FNBP1: variants seen among roughly 807,000 people sequenced by gnomAD.
FNBP1 encodes formin binding protein 1.
In FNBP1, 26 loss-of-function variants were observed where a neutral mutation model predicts 90.6. That is an observed-to-expected ratio of 0.29 (90% CI 0.21 to 0.40). FNBP1 has a LOEUF of 0.40. Ranked by LOEUF, FNBP1 falls within the 10% of genes least tolerant of loss-of-function variation. The probability of loss-of-function intolerance (pLI) is 1.00; values close to 1 mark genes in which losing one functional copy is unlikely to be tolerated. For missense variants in FNBP1, 635 were observed against 768.0 expected (o/e 0.83, Z 2.05); for synonymous variants, 260 against 265.2 (o/e 0.98, Z 0.19).
chr9:129,898,384 A>G (rs992313538), intron 15 of FNBP1, among the ~76,000 whole-genome samples: 3 of 151,998 alleles, frequency 2.0e-5, no homozygotes, highest in Non-Finnish European at 4.4e-5. Flanking sequence ...ATTTCTGGCC[A>G]CACCCCCCAT....
intron 6 of FNBP1, among the ~76,000 whole-genome samples, chr9:129,934,562 T>C (rs1239148604): frequency 8.1e-6 from 1 of 123,080 alleles, no homozygotes; most frequent in Non-Finnish European, 1.7e-5. Flanking sequence ...TTATACATGA[T>C]TTCACTTCTT....
rs2132807631 is a variant in FNBP1, at chr9:129,957,702, C to T, written c.409-238G>A. ...TAGCTGCTGTGACTACAGGCATGCA[C>T]CACCATGCCCAGCTAATTTTTGCAT... On this transcript the variant is annotated intron_variant, in intron 5 of 16. Transcript: ENST00000446176. This position sits in a 1 kb window ranked among gnomAD's most constrained non-coding sequence, Gnocchi z 4.3. 6.6e-6 allele frequency among the ~76,000 whole-genome samples: 1 copy of T among 152,246 alleles called. No homozygotes were observed. The highest frequency in any genetic ancestry group is 2.1e-4 in the South Asian group (1 of 4,824).
At chr9:129,986,871 G>A (rs528929381) in intron 2 of FNBP1, among the ~76,000 whole-genome samples, 6 of 152,076 alleles carry the variant, frequency 3.9e-5, no homozygotes, top group African/African-American at 1.4e-4. Context: ...TGAAGTATAT[G>A]ACCCAGTAAG....
intron 4 of FNBP1, among the ~76,000 whole-genome samples, chr9:129,972,534 T>C (rs1447183384): frequency 6.6e-6 from 1 of 150,736 alleles, no homozygotes; most frequent in Non-Finnish European, 1.5e-5. Flanking sequence ...GTTTTCTTTT[T>C]CTTTTTTTTT....
intron 6 of FNBP1, among the ~76,000 whole-genome samples, chr9:129,940,236 A>C (rs2044124477): frequency 6.6e-6 from 1 of 152,082 alleles, no homozygotes; most frequent in South Asian, 2.1e-4. Flanking sequence ...CGACAACAAC[A>C]ATGACAACAA....
rs146788438 is a variant in FNBP1 at position 129,978,168 on chromosome 9, A to G, written c.345+297T>C. ...CCTGAGTAGCTGGGATTACAGCCAC[A>G]TGCCACCACGCCTGGCTAATTTTTG... On this transcript the variant is annotated intron_variant, in intron 4 of 16. Coordinates refer to ENST00000446176, the MANE Select transcript of FNBP1 (RefSeq NM_015033.3). Among the ~76,000 whole-genome samples the G allele has an allele frequency of 7.3e-3, 1,110 of 151,928 alleles. 11 individuals carry two copies. The highest frequency in any genetic ancestry group is 0.024 in the African/African-American group (991 of 41,446).
In FNBP1 at chr9:130,043,089, G is replaced by A. The variant is rs1589460426; in HGVS notation, c.-114C>T. On this transcript the variant is annotated 5_prime_UTR_variant, in exon 1 of 17. Coordinates refer to ENST00000446176, the MANE Select transcript of FNBP1 (RefSeq NM_015033.3). ...CGCGACGGCGGAAAGCCCGGAGTCC[G>A]CGCGGCCTCCTCCGGCTCGCAGCTC... 2.0e-6 allele frequency: 2 copies of A among 1,008,796 alleles called. No individual in the cohort carries two copies. The highest frequency in any genetic ancestry group is 5.0e-5 in the South Asian group (1 of 19,848). The allele number at this position is 1,008,796 out of a possible 1,614,324, so 62.5% of individuals were successfully genotyped here.
intron 13 of FNBP1, among the ~76,000 whole-genome samples, chr9:129,901,325 T>C (rs987012731): frequency 4.0e-5 from 6 of 151,364 alleles, no homozygotes; most frequent in Non-Finnish European, 8.8e-5. Context: ...TCACCTGAGG[T>C]CAGGAGTTCG....
chr9:130,038,316 C>T (rs1358165346), intron 1 of FNBP1, among the ~76,000 whole-genome samples: 2 of 147,676 alleles, frequency 1.4e-5, no homozygotes, highest in African/African-American at 5.0e-5. Context: ...GATCGTGCGA[C>T]CCACTGCACT....
chr9:130,010,269 C>G (rs898999995), intron 1 of FNBP1, among the ~76,000 whole-genome samples: 26 of 152,264 alleles, frequency 1.7e-4, no homozygotes, highest in African/African-American at 6.0e-4. Flanking sequence ...ATCCCATCTT[C>G]CCTTTGGCAG....
intron 12 of FNBP1, among the ~76,000 whole-genome samples, chr9:129,907,067 T>G (rs539400541): frequency 6.7e-6 from 1 of 149,002 alleles, no homozygotes; most frequent in South Asian, 2.1e-4. Flanking sequence ...CGTGAGCCAC[T>G]GCGCCTGGCC....
intron 1 of FNBP1, among the ~76,000 whole-genome samples, chr9:129,997,216 C>T (rs867286753): frequency 3.9e-5 from 6 of 152,014 alleles, no homozygotes; most frequent in Non-Finnish European, 8.8e-5. Flanking sequence ...CCCAGCTACT[C>T]GGGAGTCTGA....
At position 129,890,648 on chromosome 9, in the gene FNBP1, G is replaced by A. The variant is rs982777132; in HGVS notation, c.1847-102C>T. 4.7e-6 allele frequency: 4 copies of A among 844,858 alleles called. No homozygotes were observed. The highest frequency in any genetic ancestry group is 7.9e-6 in the Non-Finnish European group (4 of 505,944). The allele number at this position is 844,858 out of a possible 1,614,324, so 52.3% of individuals were successfully genotyped here. On this transcript the variant is annotated intron_variant, in intron 16 of 16. Coordinates refer to ENST00000446176, the MANE Select transcript of FNBP1 (RefSeq NM_015033.3). The surrounding 1 kb of genome is among the most constrained non-coding windows in gnomAD (Gnocchi z 5.8). ...CTTGGCTACAAACTGCACCGCCCTGGGAGGGGAGGGTAGTGGGAGGGGAGG... is the reference window on the plus strand; with the variant it reads ...CTTGGCTACAAACTGCACCGCCCTGAGAGGGGAGGGTAGTGGGAGGGGAGG...
intron 4 of FNBP1, among the ~76,000 whole-genome samples, chr9:129,972,331 C>A (rs147990327): frequency 0.017 from 2,642 of 151,786 alleles, 29 homozygotes; most frequent in African/African-American, 0.021. Flanking sequence ...ATGGGGTTTC[C>A]CCATGTTGGC....
chr9:130,007,889 G>A (rs1296563113), intron 1 of FNBP1, among the ~76,000 whole-genome samples: 3 of 151,344 alleles, frequency 2.0e-5, no homozygotes, highest in South Asian at 2.1e-4. Context: ...GGTGGCGAGC[G>A]CCTGTAATCC....
At chr9:130,050,648 C>CTT in the FNBP1 span, among the ~76,000 whole-genome samples, 23 of 141,670 alleles carry the variant, frequency 1.6e-4, 1 homozygote, top group African/African-American at 2.6e-4. Flanking sequence ...TCAATCAACT[C>CTT]TTTTTTTTTT....
intron 6 of FNBP1, among the ~76,000 whole-genome samples, chr9:129,952,856 G>T (rs1345597985): frequency 6.6e-6 from 1 of 151,916 alleles, no homozygotes; most frequent in Non-Finnish European, 1.5e-5. Context: ...TCCCATAAAT[G>T]GTTTTGTGCA....
chr9:129,970,599 T>C (rs2049305934), intron 4 of FNBP1, among the ~76,000 whole-genome samples: 1 of 152,232 alleles, frequency 6.6e-6, no homozygotes, highest in Non-Finnish European at 1.5e-5. Flanking sequence ...TGTGAGATTT[T>C]GTCCTTTAAT....
At chr9:129,992,370 T>G (rs561051948) in intron 2 of FNBP1, among the ~76,000 whole-genome samples, 1 of 152,262 alleles carries the variant, frequency 6.6e-6, no homozygotes, top group South Asian at 2.1e-4. Context: ...GAGACTGATA[T>G]GCACACAGGG....
Sources: allele counts gnomAD v4.1 joint callset (sites outside exome capture counted in the v4.1 genomes callset), GRCh38; gene constraint gnomAD v4.1.1; non-coding constraint Gnocchi (gnomAD v3.1); transcripts MANE v1.5; gene names NCBI Gene and HGNC (gene_info 2026-07-23, HGNC 2026-07-21).